Variants in TMPRSS2 observed in about 807,000 individuals in gnomAD.
The protein encoded by TMPRSS2 is transmembrane protease serine 2.
Under a neutral mutation model 67.4 loss-of-function variants are expected in TMPRSS2, and 59 were observed. The ratio of observed to expected loss-of-function variants is 0.88; its 90% CI spans 0.71 to 1.09. The LOEUF (loss-of-function observed/expected upper bound fraction) is 1.09, where lower values mean the gene tolerates loss of function less well. Ranked by LOEUF, TMPRSS2 falls within the 50% of genes least tolerant of loss-of-function variation. The pLI, the probability that TMPRSS2 is intolerant of heterozygous loss-of-function variation, is 0.00. For missense variants in TMPRSS2, 668 were observed against 642.7 expected (o/e 1.04, Z -0.43); for synonymous variants, 257 against 257.0 (o/e 1.00, Z 0.00).
At chr21:41,488,156 C>T (rs1166314128) in intron 5 of TMPRSS2, 3 of 405,790 alleles carry the variant, frequency 7.4e-6, no homozygotes, top group South Asian at 8.4e-5. Context: ...GTTCAGAGCA[C>T]GTGTGGTTCC....
At chr21:41,502,644 C>T in intron 1 of TMPRSS2, 1 of 958,478 alleles carries the variant, frequency 1.0e-6, no homozygotes, top group South Asian at 4.8e-5. Flanking sequence ...GAATGCATGA[C>T]TAAATGAGTT....
Position 41,473,478 on chromosome 21 carries a change from T to A in TMPRSS2, c.746A>T (p.Asn249Ile). The A allele has an allele frequency of 6.2e-7, 1 of 1,608,514 alleles. No homozygotes were observed. The highest frequency in any genetic ancestry group is 8.5e-7 in the Non-Finnish European group (1 of 1,177,958). Residue 249 changes from asparagine (N) to isoleucine (I), a missense_variant, in exon 9 of 14, where the codon AAC (asparagine) becomes ATC (isoleucine). Coordinates refer to ENST00000332149, the MANE Select transcript of TMPRSS2 (RefSeq NM_005656.4). ...CACAATCCTGCTCTGGCGGCTTGAG[T>A]TCAAGTTGACCCCGCAGGCTGAGGA... Reference protein sequence around the residue: ...LRCIACGVNLNSSRQSRIVGG... With the variant: ...LRCIACGVNLISSRQSRIVGG...
chr21:41,487,209 A>C (rs921682224), intron 5 of TMPRSS2: 1 of 152,278 alleles, frequency 6.6e-6, no homozygotes, highest in East Asian at 1.9e-4. Flanking sequence ...ATTCAGCCAC[A>C]AGAAAGAAGG....
intron 11 of TMPRSS2, among the ~76,000 whole-genome samples, chr21:41,469,040 G>A (rs2091108880): frequency 2.0e-5 from 3 of 152,132 alleles, no homozygotes; most frequent in South Asian, 2.1e-4. Context: ...TCCCACTCTC[G>A]CTTTGCTGCC....
At chr21:41,468,196 G>T in intron 12 of TMPRSS2, 200 bp downstream of exon 12, 1 of 657,596 alleles carries the variant, frequency 1.5e-6, no homozygotes. Flanking sequence ...TTTTTCAGAG[G>T]GTGTGTGTGA....
At chr21:41,493,636 A>G (rs149798653) in intron 3 of TMPRSS2, among the ~76,000 whole-genome samples, 2 of 152,238 alleles carry the variant, frequency 1.3e-5, no homozygotes, top group African/African-American at 2.4e-5. Context: ...TGCGGGTTCC[A>G]CCTGGACAAT....
At chr21:41,507,936 T>G in intron 1 of TMPRSS2, 145 bp downstream of exon 1, 1 of 1,488,874 alleles carries the variant, frequency 6.7e-7, no homozygotes. Context: ...CGCTCGACCC[T>G]CGGGCGCACT....
intron 2 of TMPRSS2, 136 bp downstream of exon 2, chr21:41,497,983 G>T: frequency 1.5e-6 from 1 of 652,864 alleles, no homozygotes; most frequent in Non-Finnish European, 2.7e-6. Flanking sequence ...TCTAGAGGGT[G>T]CCTTGAACAG....
chr21:41,472,126 G>A, intron 9 of TMPRSS2, 145 bp from the exon 10 acceptor site: 2 of 637,608 alleles, frequency 3.1e-6, no homozygotes, highest in Non-Finnish European at 5.0e-6. Context: ...TGGAAGAGGT[G>A]CTCGGTCTCC....
At chr21:41,480,713 A>T in intron 5 of TMPRSS2, 111 bp from the exon 6 acceptor site, 1 of 1,454,870 alleles carries the variant, frequency 6.9e-7, no homozygotes. Context: ...ATCTCCACTC[A>T]CTGCAGCCTC....
intron 5 of TMPRSS2, among the ~76,000 whole-genome samples, chr21:41,485,124 T>C (rs2091286825): frequency 7.2e-6 from 1 of 138,792 alleles, no homozygotes. Flanking sequence ...GTGTCTGGGG[T>C]GTATGGGGGG....
chr21:41,488,279 T>A, intron 5 of TMPRSS2, 115 bp downstream of exon 5: 1 of 1,244,278 alleles, frequency 8.0e-7, no homozygotes, highest in Non-Finnish European at 1.1e-6. Flanking sequence ...TTCAATGACA[T>A]CATGTGTCAG....
rs2091398518 is a variant in TMPRSS2 at position 41,498,162 on chromosome 21, G to C, written c.-29C>G. On this transcript the variant is annotated 5_prime_UTR_variant, in exon 2 of 14. In the 5' UTR this introduces an upstream ATG that the reference lacks. Transcript: ENST00000332149. ...GCTGTTATCAACAGCATCGAGTAATGATAGGTATCTGGAATGTTCAATATG... is the reference window on the plus strand; with the variant it reads ...GCTGTTATCAACAGCATCGAGTAATCATAGGTATCTGGAATGTTCAATATG... 2.5e-6 allele frequency: 4 copies of C among 1,612,636 alleles called. No homozygotes were observed. In the African/African-American group the frequency reaches 5.3e-5, roughly 22 times the overall value.
chr21:41,487,543 G>A (rs1212338687), intron 5 of TMPRSS2: 2 of 151,212 alleles, frequency 1.3e-5, no homozygotes, highest in African/African-American at 4.9e-5. Context: ...TAGGTTTTAT[G>A]TGTTCTTAAT....
At chr21:41,482,951 GGAGA>G (rs1241834612) in intron 5 of TMPRSS2, among the ~76,000 whole-genome samples, 1 of 152,188 alleles carries the variant, frequency 6.6e-6, no homozygotes, top group Non-Finnish European at 1.5e-5. Context: ...GGGTGAGTGG[GGAGA>G]GAGAAACAGG....
intron 3 of TMPRSS2, among the ~76,000 whole-genome samples, chr21:41,491,251 A>G (rs417443): frequency 0.95 from 143,094 of 150,556 alleles, 68,638 homozygotes; most frequent in Non-Finnish European, 0.98. Flanking sequence ...CCACCTCCTG[A>G]GCTCAAGCCA....
intron 2 of TMPRSS2, among the ~76,000 whole-genome samples, chr21:41,497,438 GA>G (rs1321150647): frequency 6.6e-6 from 1 of 152,180 alleles, no homozygotes; most frequent in Non-Finnish European, 1.5e-5. Context: ...AGCCATCTAA[GA>G]ACTTGCCATC....
At chr21:41,486,921 CTT>C (rs1276148264) in intron 5 of TMPRSS2, 1 of 152,106 alleles carries the variant, frequency 6.6e-6, no homozygotes, top group African/African-American at 2.4e-5. Flanking sequence ...GAAATGGAGA[CTT>C]TGCACCGTGG....
intron 3 of TMPRSS2, among the ~76,000 whole-genome samples, chr21:41,494,035 C>T (rs1319310628): frequency 6.6e-6 from 1 of 152,194 alleles, no homozygotes; most frequent in East Asian, 1.9e-4. Flanking sequence ...GAGCAGCCAC[C>T]AATAAACCAC....
Sources: gnomAD v4.1 joint callset for allele counts (sites outside exome capture counted in the v4.1 genomes callset) on GRCh38, gnomAD v4.1.1 for gene constraint, MANE v1.5 for transcripts, NCBI Gene and HGNC (gene_info 2026-07-23, HGNC 2026-07-21) for gene names.